ADAMTS18: variants seen among roughly 807,000 people sequenced by gnomAD.
ADAMTS18 encodes A disintegrin and metalloproteinase with thrombospondin motifs 18.
A neutral mutation model predicts 165.9 loss-of-function variants in ADAMTS18; 157 were observed. The observed-to-expected ratio is 0.95, with a 90% CI of 0.83 to 1.08. The LOEUF (loss-of-function observed/expected upper bound fraction) is 1.08. Among genes scored for constraint, ADAMTS18 ranks in the 50% least tolerant of loss-of-function variants. The pLI, the probability that ADAMTS18 is intolerant of heterozygous loss-of-function variation, is 0.00. For missense variants in ADAMTS18, 2,040 were observed against 1,534.0 expected (o/e 1.33, Z -5.51); for synonymous variants, 782 against 578.2 (o/e 1.35, Z -5.06).
At chr16:77,285,450 G>T (rs1364772578) in intron 22 of ADAMTS18, among the ~76,000 whole-genome samples, 1 of 146,008 alleles carries the variant, frequency 6.8e-6, no homozygotes, top group Non-Finnish European at 1.5e-5. Context: ...TGGAATTACA[G>T]GTGTGAGGCA....
At chr16:77,330,767 AT>A (rs1480814903) in intron 12 of ADAMTS18, among the ~76,000 whole-genome samples, 3 of 152,206 alleles carry the variant, frequency 2.0e-5, no homozygotes, top group African/African-American at 7.2e-5. Flanking sequence ...AGAATCATTC[AT>A]TTTTCAAGAA....
intron 22 of ADAMTS18, among the ~76,000 whole-genome samples, chr16:77,288,998 T>C (rs1054265785): frequency 6.6e-6 from 1 of 152,130 alleles, no homozygotes; most frequent in Non-Finnish European, 1.5e-5. Context: ...GGCAGGAGAA[T>C]GGCATGAACC....
intron 3 of ADAMTS18, among the ~76,000 whole-genome samples, chr16:77,400,712 G>A (rs955320752): frequency 1.5e-4 from 22 of 151,498 alleles, no homozygotes; most frequent in Middle Eastern, 3.4e-3. Context: ...CTCGTGATCC[G>A]CCTGCCTCGG....
chr16:77,426,654 C>T (rs974319335), intron 3 of ADAMTS18, among the ~76,000 whole-genome samples: 1 of 152,206 alleles, frequency 6.6e-6, no homozygotes, highest in African/African-American at 2.4e-5. Context: ...ATCTAACATG[C>T]ATCTTGTTGG....
At chr16:77,384,355 A>C (rs1023440285) in intron 3 of ADAMTS18, among the ~76,000 whole-genome samples, 1 of 152,144 alleles carries the variant, frequency 6.6e-6, no homozygotes, top group East Asian at 1.9e-4. Context: ...CAAGGAAACA[A>C]TTATTTCTCT....
intron 16 of ADAMTS18, among the ~76,000 whole-genome samples, chr16:77,312,010 T>A (rs1038604657): frequency 1.3e-5 from 2 of 152,200 alleles, no homozygotes; most frequent in Admixed American, 6.5e-5. Flanking sequence ...TAATTATTTT[T>A]AAAAACATAT....
chr16:77,340,294 C>T (rs1237370739), intron 11 of ADAMTS18, among the ~76,000 whole-genome samples: 5 of 152,166 alleles, frequency 3.3e-5, no homozygotes, highest in Non-Finnish European at 7.4e-5. Flanking sequence ...CATACCTCAG[C>T]CTCCCAAGTA....
chr16:77,387,559 T>C (rs1213096416), intron 3 of ADAMTS18, among the ~76,000 whole-genome samples: 1 of 152,160 alleles, frequency 6.6e-6, no homozygotes, highest in Non-Finnish European at 1.5e-5. Flanking sequence ...CCATATCCCT[T>C]TTCATTTTAA....
chr16:77,365,986 A>G (rs1191947014), intron 4 of ADAMTS18, among the ~76,000 whole-genome samples: 1 of 152,322 alleles, frequency 6.6e-6, no homozygotes, highest in Non-Finnish European at 1.5e-5. Flanking sequence ...AAACATCATT[A>G]CTATCATTAA....
chr16:77,308,080 G>C (rs17769937), intron 16 of ADAMTS18, among the ~76,000 whole-genome samples: 1 of 151,978 alleles, frequency 6.6e-6, no homozygotes, highest in Non-Finnish European at 1.5e-5. Context: ...GGCTGCTGTC[G>C]TTTTCAGCTT....
Position 77,321,161 on chromosome 16 carries a change from T to G in ADAMTS18, c.2205A>C (p.Ser735=), listed in dbSNP as rs147464575. 14 of 1,614,188 alleles carry G rather than the reference T, an allele frequency of 8.7e-6. No individual in the cohort carries two copies. The African/African-American group carries it at 1.6e-4, about 18-fold the overall frequency. Residue 735 remains serine (S), a synonymous_variant, in exon 15 of 23, where the codon TCA becomes TCC. Coordinates refer to ENST00000282849, the MANE Select transcript of ADAMTS18 (RefSeq NM_199355.4). ...CDHELGSKAV[S]DACGVCKGDN... is the part of the protein sequence containing the mutation. ...CACCTTTGCAAACGCCACAAGCATC[T>G]GAAACTGCTTTAGAGCCTAGTTCAT...
chr16:77,355,057 T>G (rs938694272), intron 9 of ADAMTS18, among the ~76,000 whole-genome samples: 7 of 152,132 alleles, frequency 4.6e-5, no homozygotes, highest in Non-Finnish European at 8.8e-5. Flanking sequence ...CTTTAAACAT[T>G]TGCAAATAAT....
intron 22 of ADAMTS18, among the ~76,000 whole-genome samples, chr16:77,286,613 G>GTGGATTCAACTCTATTTTTATGATTT (rs2055256666): frequency 6.6e-6 from 1 of 152,128 alleles, no homozygotes; most frequent in South Asian, 2.1e-4. Flanking sequence ...TCAAGTCAGT[G>GTGGATTCAACTCTATTTTTATGATTT]TGGATTCAAC....
At chr16:77,412,693 C>T (rs774047657) in intron 3 of ADAMTS18, among the ~76,000 whole-genome samples, 1 of 152,022 alleles carries the variant, frequency 6.6e-6, no homozygotes, top group Non-Finnish European at 1.5e-5. Flanking sequence ...AGAATGAGAA[C>T]CAATGGAAAG....
chr16:77,297,849 A>C lies in ADAMTS18; in HGVS notation c.2675-434T>G, dbSNP rs547033552. On this transcript the variant is annotated intron_variant, in intron 17 of 22. Transcript: ENST00000282849. ...CTCATACTTCTTAAGAGCATGGGGC[A>C]CATAAAAGCAAAGAGTAGAACTCAC... 1.1e-3 allele frequency among the ~76,000 whole-genome samples: 163 copies of C among 151,626 alleles called. 3 individuals carry two copies. Among genetic ancestry groups the C allele is most frequent in the African/African-American group, 3.9e-3 (161 of 41,398 alleles).
In ADAMTS18 at chr16:77,384,865, A is replaced by T. The variant is rs183113423; in HGVS notation, c.496-17142T>A. Among the ~76,000 whole-genome samples, 676 of 152,132 alleles carry T rather than the reference A, an allele frequency of 4.4e-3. 10 individuals carry two copies. Among genetic ancestry groups the T allele is most frequent in the African/African-American group, 0.015 (631 of 41,468 alleles). Reference sequence around the variant, plus strand: ...CTCAACATTTCATATATAGTTATCAAAATATTTAAATCTAACCTCCCCATA... The same window carrying T: ...CTCAACATTTCATATATAGTTATCATAATATTTAAATCTAACCTCCCCATA... On this transcript the variant is annotated intron_variant, in intron 3 of 22. Transcript: ENST00000282849.
chr16:77,326,165 T>C (rs942227761), intron 12 of ADAMTS18, 127 bp from the exon 13 acceptor site: 10 of 906,012 alleles, frequency 1.1e-5, no homozygotes, highest in African/African-American at 1.6e-5. Context: ...ATACAGTCTA[T>C]TACAGGAATG....
chr16:77,301,808 A>C (rs2144595317), intron 16 of ADAMTS18, among the ~76,000 whole-genome samples: 1 of 152,356 alleles, frequency 6.6e-6, no homozygotes, highest in Admixed American at 6.5e-5. Context: ...GCAACAAAAC[A>C]AATCTCGATG....
rs1228745904 is a variant in ADAMTS18 at position 77,434,936 on chromosome 16, C to CG, written c.-242dup. 9 of 363,962 alleles carry CG rather than the reference C, an allele frequency of 2.5e-5. No individual in the cohort carries two copies. Among genetic ancestry groups the CG allele is most frequent in the South Asian group, 1.8e-4 (2 of 11,340 alleles). 22.5% of individuals were successfully genotyped at this position (363,962 alleles called of 1,614,324 possible). A position where few individuals can be genotyped will look rare whatever the true frequency, so the allele number is the denominator to read the frequency against. ...GCAGTTTGCGGCACCCCAGAGGGTACGGGGGGCTCCCTGGGCCGGGACTGG... is the reference window on the plus strand; with the variant it reads ...GCAGTTTGCGGCACCCCAGAGGGTACGGGGGGGCTCCCTGGGCCGGGACTGG... On this transcript the variant is annotated 5_prime_UTR_variant, in exon 1 of 23. Coordinates refer to ENST00000282849, the MANE Select transcript of ADAMTS18 (RefSeq NM_199355.4).
Sources: gnomAD v4.1 joint callset for allele counts (sites outside exome capture counted in the v4.1 genomes callset) on GRCh38, gnomAD v4.1.1 for gene constraint, MANE v1.5 for transcripts, NCBI Gene and HGNC (gene_info 2026-07-23, HGNC 2026-07-21) for gene names.